Variants in ANKRD2 observed in about 807,000 individuals in gnomAD.
ANKRD2 encodes the protein ankyrin repeat domain 2, also known as ankyrin repeat domain-containing protein 2.
In ANKRD2, 35 loss-of-function variants were observed where a neutral mutation model predicts 37.3. That is an observed-to-expected ratio of 0.94 (90% CI 0.72 to 1.24). The LOEUF (loss-of-function observed/expected upper bound fraction) is 1.24, where lower values mean the gene tolerates loss of function less well. Among genes scored for constraint, ANKRD2 ranks in the 50% most tolerant of loss-of-function variants. ANKRD2 has a pLI of 0.00. For missense variants in ANKRD2, 410 were observed against 445.6 expected (o/e 0.92, Z 0.72); for synonymous variants, 159 against 186.5 (o/e 0.85, Z 1.20).
rs200402155 is a variant in ANKRD2, at chr10:97,580,893, C to T, written c.495C>T (p.Gly165=). 2 of 1,611,124 alleles carry T rather than the reference C, an allele frequency of 1.2e-6. No individual in the cohort carries two copies. Among genetic ancestry groups the T allele is most frequent in the East Asian group, 2.2e-5 (1 of 44,794 alleles). The change falls in exon 5 of 9, where the codon GGC becomes GGT. Residue 165 remains glycine (G), a synonymous_variant. Transcript: ENST00000370655. ...RTALHRASLE[G]HMEILEKLLD... ...CACTGCACCGAGCTTCCCTGGAAGG[C>T]CACATGGAAATCCTGGAGAAGCTTC... is the stretch of plus-strand genomic sequence containing the variant.
intron 1 of ANKRD2, among the ~76,000 whole-genome samples, chr10:97,573,467 G>C (rs1387029519): frequency 1.3e-5 from 2 of 151,826 alleles, no homozygotes; most frequent in African/African-American, 2.4e-5. Context: ...TCCCTCTGTT[G>C]CCCAGGCTGG....
chr10:97,574,829 G>A (rs926396875), intron 1 of ANKRD2, among the ~76,000 whole-genome samples: 15 of 152,164 alleles, frequency 9.9e-5, no homozygotes, highest in African/African-American at 3.6e-4. Context: ...CTCCCCCAAG[G>A]GCATGTGCCT....
intron 2 of ANKRD2, 96 bp from the exon 3 acceptor site, chr10:97,578,144 G>GGGCCCCCCCCCCCCCCCCCA: frequency 1.5e-6 from 1 of 685,446 alleles, no homozygotes; most frequent in Non-Finnish European, 2.5e-6. Context: ...GGGTCTTCCT[G>GGGCCCCCCCCCCCCCCCCCA]CCCACCCCAC....
At position 97,577,915 on chromosome 10, in the gene ANKRD2, G is replaced by A. The variant is rs977153696; in HGVS notation, c.189+14G>A. 14 of 1,547,436 alleles carry A rather than the reference G, an allele frequency of 9.0e-6. No homozygotes were observed. The highest frequency in any genetic ancestry group is 1.4e-5 in the African/African-American group (1 of 73,392). ...CAGAAGGTGAAGGTAAGCCTGGGAG[G>A]ATCCAATGTCTGCACCCAGGGGACC... is the stretch of plus-strand genomic sequence containing the variant. On this transcript the variant is annotated intron_variant, in intron 2 of 8. Coordinates refer to ENST00000370655, the MANE Select transcript of ANKRD2 (RefSeq NM_001346793.2).
intron 1 of ANKRD2, among the ~76,000 whole-genome samples, chr10:97,574,052 G>A (rs2040792648): frequency 6.6e-6 from 1 of 152,010 alleles, no homozygotes; most frequent in Admixed American, 6.6e-5. Flanking sequence ...TCTGAGATCC[G>A]AGGTGGGCAG....
intron 5 of ANKRD2, 41 bp downstream of exon 5, chr10:97,580,994 G>C (rs1302492426): frequency 2.0e-6 from 3 of 1,523,032 alleles, no homozygotes; most frequent in Admixed American, 3.9e-5. Flanking sequence ...ACAGGAGGTG[G>C]GTCCAGCACT....
At chr10:97,572,766 C>A, upstream of ANKRD2, 1 of 1,602,178 alleles carries the variant, frequency 6.2e-7, no homozygotes, top group Non-Finnish European at 8.5e-7. Context: ...GCCCCCGAGG[C>A]CCTGTGGCCT....
In ANKRD2 at chr10:97,578,231, C is replaced by G; in HGVS notation, c.190-9C>G. Reference sequence around the variant, plus strand: ...CCGGCCTGGGGGGTTGATGGGCCATCCCGCGCAGGGCCAAGAGCGCGTGCG... The same window carrying G: ...CCGGCCTGGGGGGTTGATGGGCCATGCCGCGCAGGGCCAAGAGCGCGTGCG... On this transcript the variant is annotated splice_polypyrimidine_tract_variant and intron_variant, in intron 2 of 8. Coordinates refer to ENST00000370655, the MANE Select transcript of ANKRD2 (RefSeq NM_001346793.2). 6.6e-7 allele frequency: 1 copy of G among 1,517,174 alleles called. No individual in the cohort carries two copies. The highest frequency in any genetic ancestry group is 9.0e-7 in the Non-Finnish European group (1 of 1,116,732). The allele number at this position is 1,517,174 out of a possible 1,614,324, so 94.0% of individuals were successfully genotyped here.
rs72835931 is a variant in ANKRD2 at position 97,573,288 on chromosome 10, G to A, written c.87+413G>A. ...GCCAGTGAAGAAGAGAGTGAGGAAG[G>A]GATGCTGGGAAATGAAGCATGGATT... On this transcript the variant is annotated intron_variant, in intron 1 of 8. Coordinates refer to ENST00000370655, the MANE Select transcript of ANKRD2 (RefSeq NM_001346793.2). 8.3e-3 allele frequency among the ~76,000 whole-genome samples: 1,270 copies of A among 152,234 alleles called. 7 individuals are homozygous for A. Among genetic ancestry groups the A allele is most frequent in the South Asian group, 0.013 (65 of 4,822 alleles).
chr10:97,577,949 AGCCATG>A, intron 2 of ANKRD2, 48 bp downstream of exon 2: 1 of 1,503,190 alleles, frequency 6.7e-7, no homozygotes, highest in Non-Finnish European at 8.9e-7. Flanking sequence ...CCAGCCAGGT[AGCCATG>A]GCCTGTCTGC....
intron 8 of ANKRD2, 24 bp from the exon 9 acceptor site, chr10:97,583,552 C>T: frequency 6.4e-7 from 1 of 1,569,670 alleles, no homozygotes; most frequent in East Asian, 2.3e-5. Flanking sequence ...TGCCAACCCC[C>T]ACGCCCCGTC....
At chr10:97,581,093 C>A (rs2040892389) in intron 5 of ANKRD2, 140 bp downstream of exon 5, 6 of 855,532 alleles carry the variant, frequency 7.0e-6, no homozygotes, top group Middle Eastern at 4.6e-4. Flanking sequence ...GCTTATGTGA[C>A]CTTGAGTAAG....
chr10:97,580,043 G>A (rs1030365372), intron 4 of ANKRD2, among the ~76,000 whole-genome samples: 12 of 152,194 alleles, frequency 7.9e-5, no homozygotes, highest in Non-Finnish European at 1.5e-4. Context: ...CCTTTGGTCT[G>A]CATTATTGTA....
intron 4 of ANKRD2, among the ~76,000 whole-genome samples, chr10:97,579,736 C>T (rs964755271): frequency 6.6e-5 from 10 of 151,908 alleles, no homozygotes; most frequent in East Asian, 5.8e-4. Flanking sequence ...TACAGGCGCC[C>T]GCCACCACAC....
chr10:97,572,816 G>A lies in ANKRD2; in HGVS notation c.28G>A (p.Ala10Thr), dbSNP rs1203292984. 7 of 1,570,940 alleles carry A rather than the reference G, an allele frequency of 4.5e-6. 2 individuals are homozygous for A. In the South Asian group the frequency reaches 8.2e-5, roughly 18 times the overall value. The change falls in exon 1 of 9, where the codon GCG becomes ACG. Residue 10 changes from alanine to threonine, a missense_variant. Ala to Thr is a moderately conservative substitution (Grantham distance 58). Transcript: ENST00000370655. MDGTMEDSE[A>T]VQRATALIEQ... ...GGACGGCACCATGGAGGACTCCGAG[G>A]CGGTGCAGAGGGCCACAGCGCTCAT...
At chr10:97,579,604 T>C (rs762554766) in intron 4 of ANKRD2, among the ~76,000 whole-genome samples, 2 of 151,996 alleles carry the variant, frequency 1.3e-5, no homozygotes, top group Non-Finnish European at 2.9e-5. Flanking sequence ...TTCTTTTTTT[T>C]TGAGATGGAG....
rs1198766033 is a variant in ANKRD2 at position 97,583,715 on chromosome 10, C to T, written c.992C>T (p.Pro331Leu). The T allele has an allele frequency of 1.3e-6, 2 of 1,547,934 alleles. No homozygotes were observed. The highest frequency in any genetic ancestry group is 2.4e-5 in the South Asian group (2 of 82,294). Reference protein sequence around the residue: ...DSGRETPQPVPAQ With the variant: ...DSGRETPQPVLAQ The stretch of plus-strand genomic sequence containing the variant: ...GGGCGAGAGACCCCTCAGCCTGTGC[C>T]AGCCCAGTGAATGCGTGCCCCAGCC... The change falls in exon 9 of 9, where the codon CCA becomes CTA. Residue 331 changes from proline to leucine, a missense_variant. Transcript: ENST00000370655.
At chr10:97,575,682 G>T (rs2040818296) in intron 1 of ANKRD2, among the ~76,000 whole-genome samples, 2 of 152,218 alleles carry the variant, frequency 1.3e-5, no homozygotes, top group South Asian at 4.1e-4. Flanking sequence ...GGCCAAGGTG[G>T]GCGGATTGCC....
intron 3 of ANKRD2, 29 bp downstream of exon 3, chr10:97,578,427 G>A: frequency 6.2e-7 from 1 of 1,611,892 alleles, no homozygotes; most frequent in Non-Finnish European, 8.5e-7. Context: ...ACACCGCGAG[G>A]GGGCGGAGGG....
Sources: allele counts gnomAD v4.1 joint callset (sites outside exome capture counted in the v4.1 genomes callset), GRCh38; gene constraint gnomAD v4.1.1; transcripts MANE v1.5; gene names NCBI Gene and HGNC (gene_info 2026-07-23, HGNC 2026-07-21).